TRIM67: variants seen among roughly 807,000 people sequenced by gnomAD.
TRIM67 encodes tripartite motif-containing protein 67.
A neutral mutation model predicts 71.0 loss-of-function variants in TRIM67; 39 were observed. That is an observed-to-expected ratio of 0.55 (90% CI 0.43 to 0.72). The LOEUF (loss-of-function observed/expected upper bound fraction) is 0.72. TRIM67 is among the 30% of genes least tolerant of loss of function. The pLI is 0.00. For synonymous variants in TRIM67, 481 were observed against 473.9 expected (o/e 1.01, Z -0.19); for missense variants, 973 against 1,079.2 (o/e 0.90, Z 1.38).
chr1:231,192,754 C>T (rs1234881900), intron 1 of TRIM67, among the ~76,000 whole-genome samples: 1 of 152,242 alleles, frequency 6.6e-6, no homozygotes, highest in Admixed American at 6.5e-5. Flanking sequence ...GAGCACATGG[C>T]AGGCCCCAAT....
chr1:231,174,551 T>A (rs1447184110), intron 1 of TRIM67, among the ~76,000 whole-genome samples: 1 of 152,126 alleles, frequency 6.6e-6, no homozygotes, highest in Admixed American at 6.6e-5. Context: ...TGACTTCCAT[T>A]TCACTGGTTA....
At chr1:231,170,731 G>A (rs1440748659) in intron 1 of TRIM67, among the ~76,000 whole-genome samples, 2 of 152,096 alleles carry the variant, frequency 1.3e-5, no homozygotes, top group African/African-American at 4.8e-5. Flanking sequence ...ATTGAAACAC[G>A]GCCACACTCA....
chr1:231,189,265 G>C (rs1683169907), intron 1 of TRIM67, among the ~76,000 whole-genome samples: 1 of 152,172 alleles, frequency 6.6e-6, no homozygotes, highest in Non-Finnish European at 1.5e-5. Flanking sequence ...AGTCATAGCA[G>C]GCTCAATGAT....
rs1263327557 is a variant in TRIM67, at chr1:231,217,017, C to G, written c.*1577C>G. 13 of 985,774 alleles carry G rather than the reference C, an allele frequency of 1.3e-5. No homozygotes were observed. Among genetic ancestry groups the G allele is most frequent in the Non-Finnish European group, 1.3e-5 (11 of 829,958 alleles). The allele number at this position is 985,774 out of a possible 1,614,324, so 61.1% of individuals were successfully genotyped here. A position where few individuals can be genotyped will look rare whatever the true frequency, so the allele number is the denominator to read the frequency against. ...TGGATTTTTATAAAATTCGCCCATTCACCAGCACCAACTGTGCGTCCTTGG... is the reference window on the plus strand; with the variant it reads ...TGGATTTTTATAAAATTCGCCCATTGACCAGCACCAACTGTGCGTCCTTGG... On this transcript the variant is annotated 3_prime_UTR_variant, in exon 10 of 10. Coordinates refer to ENST00000366653, the MANE Select transcript of TRIM67 (RefSeq NM_001004342.5).
intron 8 of TRIM67, among the ~76,000 whole-genome samples, chr1:231,210,352 C>G (rs1426695014): frequency 6.6e-6 from 1 of 152,076 alleles, no homozygotes; most frequent in Admixed American, 6.5e-5. Context: ...GAAGGACCAG[C>G]TTCTTCTTTC....
intron 1 of TRIM67, among the ~76,000 whole-genome samples, chr1:231,168,918 A>G (rs1047588820): frequency 2.0e-5 from 3 of 152,238 alleles, no homozygotes; most frequent in Non-Finnish European, 2.9e-5. Flanking sequence ...CTACAACTCT[A>G]TGGCTGATGA....
intron 8 of TRIM67, among the ~76,000 whole-genome samples, chr1:231,212,237 G>A (rs375838310): frequency 1.1e-4 from 16 of 152,342 alleles, no homozygotes; most frequent in African/African-American, 3.6e-4. Context: ...GGTACCAGGT[G>A]CAAGGTTCTA....
intron 1 of TRIM67, chr1:231,186,062 T>C (rs746998979): frequency 5.9e-5 from 91 of 1,531,172 alleles, no homozygotes; most frequent in Non-Finnish European, 7.9e-5. Context: ...ATGTTCCCCG[T>C]GAGCAGAACT....
chr1:231,212,544 A>T (rs1683903592), intron 8 of TRIM67, among the ~76,000 whole-genome samples: 3 of 152,236 alleles, frequency 2.0e-5, no homozygotes, highest in African/African-American at 7.2e-5. Context: ...AGGTGATTAA[A>T]GAGACAAGCA....
In TRIM67 at chr1:231,216,434, C is replaced by A; in HGVS notation, c.*994C>A. The A allele has an allele frequency of 1.0e-6, 1 of 985,354 alleles. No homozygotes were observed. Among genetic ancestry groups the A allele is most frequent in the Non-Finnish European group, 1.2e-6 (1 of 829,940 alleles). 61.0% of individuals were successfully genotyped at this position (985,354 alleles called of 1,614,324 possible). A position where few individuals can be genotyped will look rare whatever the true frequency, so the allele number is the denominator to read the frequency against. On this transcript the variant is annotated 3_prime_UTR_variant, in exon 10 of 10. Coordinates refer to ENST00000366653, the MANE Select transcript of TRIM67 (RefSeq NM_001004342.5). ...ATGGCTCCTTTCTGAAACTGGCAGCCCAAGAAGTTAACTGAAAATGCATCC... is the reference window on the plus strand; with the variant it reads ...ATGGCTCCTTTCTGAAACTGGCAGCACAAGAAGTTAACTGAAAATGCATCC...
At chr1:231,204,968 G>A (rs1186000227) in intron 6 of TRIM67, among the ~76,000 whole-genome samples, 1 of 152,184 alleles carries the variant, frequency 6.6e-6, no homozygotes, top group African/African-American at 2.4e-5. Context: ...AATTAGGGAG[G>A]TAAGATGAGA....
rs754538982 is a variant in TRIM67, at chr1:231,203,859, C to T, written c.1535-8C>T. ...TCCTGCGCTAACTCATGTGTGTCCCCCTCGCAGTGCCACCCGTCCCCCTAC... is the reference window on the plus strand; with the variant it reads ...TCCTGCGCTAACTCATGTGTGTCCCTCTCGCAGTGCCACCCGTCCCCCTAC... On this transcript the variant is annotated splice_region_variant and splice_polypyrimidine_tract_variant and intron_variant, in intron 5 of 9. Transcript: ENST00000366653. The T allele has an allele frequency of 2.5e-6, 4 of 1,612,050 alleles. No individual in the cohort carries two copies. The Admixed American group carries it at 5.0e-5, about 20-fold the overall frequency.
chr1:231,211,115 G>A (rs374662213), intron 8 of TRIM67, among the ~76,000 whole-genome samples: 5 of 151,548 alleles, frequency 3.3e-5, no homozygotes, highest in Middle Eastern at 3.4e-3. Context: ...ACAACGGCTC[G>A]GGTCACGCGG....
At chr1:231,180,455 A>G (rs1466284011) in intron 1 of TRIM67, among the ~76,000 whole-genome samples, 1 of 152,104 alleles carries the variant, frequency 6.6e-6, no homozygotes, top group Non-Finnish European at 1.5e-5. Context: ...GTCTTTAAGA[A>G]CAACTTCATT....
In TRIM67 at chr1:231,219,889, A is replaced by G; in HGVS notation, c.*4449A>G. The G allele has an allele frequency of 7.8e-7, 1 of 1,289,934 alleles. No individual in the cohort carries two copies. The allele number at this position is 1,289,934 out of a possible 1,614,324, so 79.9% of individuals were successfully genotyped here. A position where few individuals can be genotyped will look rare whatever the true frequency, so the allele number is the denominator to read the frequency against. ...ATCTAGGCTGTAAAAATATGAGGGC[A>G]GGTTTCGGGCAGGATGTATTGATCA... On this transcript the variant is annotated 3_prime_UTR_variant, in exon 10 of 10. Coordinates refer to ENST00000366653, the MANE Select transcript of TRIM67 (RefSeq NM_001004342.5).
chr1:231,163,213 G>A lies in TRIM67; in HGVS notation c.244G>A (p.Gly82Arg). Residue 82 changes from glycine (G) to arginine (R), a missense_variant, in exon 1 of 10, where the codon GGG (glycine) becomes AGG (arginine). This residue lies in a region of TRIM67 where 795 missense variants were observed against 831.3 expected (regional missense o/e 0.96). Coordinates refer to ENST00000366653, the MANE Select transcript of TRIM67 (RefSeq NM_001004342.5). ...TGGCCCGGCCTGCGGCGGTGCAGGC[G>A]GGAGTGCAGCTGGCGGCCTCGGCGG... ...AAGPACGGAG[G>R]SAAGGLGGGA... is the part of the protein sequence containing the mutation. 6.7e-7 allele frequency: 1 copy of A among 1,495,858 alleles called. No homozygotes were observed. Among genetic ancestry groups the A allele is most frequent in the Non-Finnish European group, 8.9e-7 (1 of 1,123,438 alleles). 92.7% of individuals were successfully genotyped at this position (1,495,858 alleles called of 1,614,324 possible). A position where few individuals can be genotyped will look rare whatever the true frequency, so the allele number is the denominator to read the frequency against.
chr1:231,201,753 C>A (rs1003769415), intron 5 of TRIM67, among the ~76,000 whole-genome samples: 2 of 152,206 alleles, frequency 1.3e-5, no homozygotes, highest in African/African-American at 4.8e-5. Flanking sequence ...GTGAAAAAGA[C>A]AATCATTTGT....
At chr1:231,185,679 C>G (rs957293268) in intron 1 of TRIM67, among the ~76,000 whole-genome samples, 1 of 151,920 alleles carries the variant, frequency 6.6e-6, no homozygotes, top group East Asian at 1.9e-4. Context: ...CCGTTCTGCA[C>G]AGGCTCTGTA....
At position 231,206,803 on chromosome 1, in the gene TRIM67, A is replaced by G. The variant is rs1185926553; in HGVS notation, c.1819+13A>G. 1.9e-6 allele frequency: 3 copies of G among 1,580,568 alleles called. No homozygotes were observed. On this transcript the variant is annotated intron_variant, in intron 7 of 9. Coordinates refer to ENST00000366653, the MANE Select transcript of TRIM67 (RefSeq NM_001004342.5). ...CAGACATCCGATGGTGAGCATCGGG[A>G]TCTCTTAGTGGGAAGAACAGATTCA...
Sources: gnomAD v4.1 joint callset for allele counts (sites outside exome capture counted in the v4.1 genomes callset) on GRCh38, gnomAD v4.1.1 for gene constraint, gnomAD v4.1.1 regional missense constraint, MANE v1.5 for transcripts, NCBI Gene and HGNC (gene_info 2026-07-23, HGNC 2026-07-21) for gene names.